Variants in ZNF423 observed in about 807,000 individuals in gnomAD.
The protein encoded by ZNF423 is Ebf-associated zinc finger protein.
In ZNF423, 12 loss-of-function variants were observed where a neutral mutation model predicts 95.8. The ratio of observed to expected loss-of-function variants is 0.13; its 90% CI spans 0.08 to 0.20. The LOEUF (loss-of-function observed/expected upper bound fraction) is 0.20, where lower values mean the gene tolerates loss of function less well. Ranked by LOEUF, ZNF423 falls within the 10% of genes least tolerant of loss-of-function variation. The pLI, the probability that ZNF423 is intolerant of heterozygous loss-of-function variation, is 1.00. For synonymous variants in ZNF423, 749 were observed against 711.9 expected (o/e 1.05, Z -0.83); for missense variants, 1,316 against 1,737.1 (o/e 0.76, Z 4.31).
chr16:49,571,779 G>A (rs908240279), intron 5 of ZNF423, among the ~76,000 whole-genome samples: 13 of 152,088 alleles, frequency 8.5e-5, no homozygotes, highest in African/African-American at 1.4e-4. Context: ...CTCCCCACTC[G>A]AACCCATAGG....
intron 7 of ZNF423, among the ~76,000 whole-genome samples, chr16:49,495,518 G>A (rs1195833229): frequency 6.6e-6 from 1 of 152,206 alleles, no homozygotes; most frequent in Admixed American, 6.5e-5. Flanking sequence ...TTCATTTCAT[G>A]GTTGCTCATT....
intron 1 of ZNF423, among the ~76,000 whole-genome samples, chr16:49,815,941 C>G (rs2034849057): frequency 1.4e-5 from 1 of 72,908 alleles, no homozygotes; most frequent in South Asian, 5.2e-4. Context: ...TTTTTTGAGA[C>G]AAAGTCTCAC....
chr16:49,646,171 G>A (rs979850443), intron 3 of ZNF423, among the ~76,000 whole-genome samples: 2 of 152,224 alleles, frequency 1.3e-5, no homozygotes. Context: ...GCCAGTCAGT[G>A]TTTCCTAGAG....
At chr16:49,846,267 T>C (rs1779182902) in intron 1 of ZNF423, among the ~76,000 whole-genome samples, 1 of 128,862 alleles carries the variant, frequency 7.8e-6, no homozygotes, top group South Asian at 2.5e-4. Context: ...GCCACTGCAC[T>C]CCAGCCTGGC....
intron 5 of ZNF423, among the ~76,000 whole-genome samples, chr16:49,623,366 T>C (rs1237023247): frequency 6.6e-6 from 1 of 152,126 alleles, no homozygotes; most frequent in Non-Finnish European, 1.5e-5. Flanking sequence ...ACAACTCTAG[T>C]TAAGAGCAAC....
chr16:49,543,943 A>G (rs1969348408), intron 5 of ZNF423, among the ~76,000 whole-genome samples: 1 of 152,246 alleles, frequency 6.6e-6, no homozygotes, highest in Non-Finnish European at 1.5e-5. Context: ...TGTGAGGACC[A>G]GCAGAGGTGC....
rs201577971 is a variant in ZNF423 at position 49,560,662 on chromosome 16, T to A, written c.3602-35168A>T. Among the ~76,000 whole-genome samples, 59 of 152,318 alleles carry A rather than the reference T, an allele frequency of 3.9e-4. No homozygotes were observed. The East Asian group carries it at 9.1e-3, about 23-fold the overall frequency. ...GCCTCGTCCAAGCCATCCAGGGACC[T>A]TATGAAAGTGGAACGGAACTCTTTT... On this transcript the variant is annotated intron_variant, in intron 5 of 7. Coordinates refer to ENST00000563137, the MANE Select transcript of ZNF423 (RefSeq NM_001379286.1).
intron 1 of ZNF423, among the ~76,000 whole-genome samples, chr16:49,852,520 C>T (rs999160595): frequency 6.6e-6 from 1 of 151,732 alleles, no homozygotes; most frequent in Non-Finnish European, 1.5e-5. Context: ...TATCATCGGC[C>T]GAAATAACAT....
Position 49,693,819 on chromosome 16 carries a change from A to G in ZNF423, c.301+36952T>C, listed in dbSNP as rs146227078. The stretch of plus-strand genomic sequence containing the variant: ...AGCCAACAAAAACGAAAGCAGAGAC[A>G]AGAACACTAGAGAGATGAACTCCTA... On this transcript the variant is annotated intron_variant, in intron 3 of 7. Transcript: ENST00000563137. Among the ~76,000 whole-genome samples, 3 of 152,354 alleles carry G rather than the reference A, an allele frequency of 2.0e-5. No homozygotes were observed. The East Asian group carries it at 5.8e-4, about 29-fold the overall frequency.
chr16:49,652,405 A>G (rs1405110588), intron 3 of ZNF423, among the ~76,000 whole-genome samples: 22 of 151,878 alleles, frequency 1.4e-4, no homozygotes, highest in Admixed American at 1.4e-3. Context: ...GCTGTGATCA[A>G]ACTTGCTAAA....
At chr16:49,499,622 C>T (rs1020104481) in intron 7 of ZNF423, among the ~76,000 whole-genome samples, 28 of 152,272 alleles carry the variant, frequency 1.8e-4, no homozygotes, top group Admixed American at 1.6e-3. Context: ...TCTATGGAGC[C>T]GAGGCGGGGA....
intron 5 of ZNF423, among the ~76,000 whole-genome samples, chr16:49,558,452 T>C (rs1247315845): frequency 6.6e-6 from 1 of 152,120 alleles, no homozygotes; most frequent in Non-Finnish European, 1.5e-5. Flanking sequence ...CTGGGTCACT[T>C]CCCAACTTGA....
chr16:49,738,886 G>C (rs2033351092), intron 2 of ZNF423, among the ~76,000 whole-genome samples: 2 of 152,068 alleles, frequency 1.3e-5, no homozygotes, highest in Non-Finnish European at 1.5e-5. Context: ...GGGGTTACCA[G>C]AGAACCCAAC....
At chr16:49,719,941 T>A (rs1348453214) in intron 3 of ZNF423, among the ~76,000 whole-genome samples, 1 of 152,214 alleles carries the variant, frequency 6.6e-6, no homozygotes, top group East Asian at 1.9e-4. Context: ...TCTGGGCACC[T>A]GAGCCACTCA....
chr16:49,675,955 C>T (rs1013375692), intron 3 of ZNF423, among the ~76,000 whole-genome samples: 3 of 152,226 alleles, frequency 2.0e-5, no homozygotes, highest in Admixed American at 6.5e-5. Context: ...CACGCACACA[C>T]GCACCTGCAT....
At chr16:49,783,999 T>G (rs2034268388) in intron 2 of ZNF423, among the ~76,000 whole-genome samples, 2 of 146,518 alleles carry the variant, frequency 1.4e-5, no homozygotes, top group East Asian at 2.0e-4. Context: ...GAAAAAGAAA[T>G]CCATGAGTTG....
chr16:49,564,019 T>C (rs2151773810), intron 5 of ZNF423, among the ~76,000 whole-genome samples: 1 of 152,348 alleles, frequency 6.6e-6, no homozygotes, highest in African/African-American at 2.4e-5. Flanking sequence ...GCAGGCTCTT[T>C]GCCTAGGTTT....
At chr16:49,813,690 C>T (rs78691069) in intron 1 of ZNF423, among the ~76,000 whole-genome samples, 3 of 152,230 alleles carry the variant, frequency 2.0e-5, no homozygotes, top group African/African-American at 7.2e-5. Flanking sequence ...TTGGCTCCCC[C>T]TTGGCCTCCT....
chr16:49,818,121 A>C (rs1046388180), intron 1 of ZNF423, among the ~76,000 whole-genome samples: 1 of 152,114 alleles, frequency 6.6e-6, no homozygotes, highest in African/African-American at 2.4e-5. Flanking sequence ...TTTTCTCAGA[A>C]GGCTTCTGTG....
Sources: allele counts gnomAD v4.1 joint callset (sites outside exome capture counted in the v4.1 genomes callset), GRCh38; gene constraint gnomAD v4.1.1; transcripts MANE v1.5; gene names NCBI Gene and HGNC (gene_info 2026-07-23, HGNC 2026-07-21).